The following FKBP1A variants were observed in gnomAD, a reference collection of about 807,000 sequenced individuals.
The protein encoded by FKBP1A is FKBP prolyl isomerase 1A.
A neutral mutation model predicts 14.2 loss-of-function variants in FKBP1A; 5 were observed. The observed-to-expected ratio is 0.35, with a 90% confidence interval of 0.18 to 0.74. The LOEUF (loss-of-function observed/expected upper bound fraction) is 0.74. Among genes scored for constraint, FKBP1A ranks in the 30% least tolerant of loss-of-function variants. The pLI is 0.56. For missense variants in FKBP1A, 53 were observed against 138.8 expected, an observed-to-expected ratio of 0.38 and a Z score of 3.10; for synonymous variants, 42 against 49.1, an observed-to-expected ratio of 0.86 and a Z score of 0.60.
intron 2 of FKBP1A, among the ~76,000 whole-genome samples, chr20:1,391,286 C>G (rs942273903): frequency 3.3e-5 from 5 of 152,130 alleles, no homozygotes; most frequent in Non-Finnish European, 7.3e-5. Flanking sequence ...GCCCACTCAC[C>G]CCAGCACTGT....
chr20:1,378,937 A>G (rs1297452543), intron 2 of FKBP1A, among the ~76,000 whole-genome samples: 2 of 152,208 alleles, frequency 1.3e-5, no homozygotes, highest in African/African-American at 4.8e-5. Flanking sequence ...GTACACACCC[A>G]CATTTTGTCT....
At chr20:1,392,117 C>A (rs1197356371) in intron 2 of FKBP1A, among the ~76,000 whole-genome samples, 1 of 152,224 alleles carries the variant, frequency 6.6e-6, no homozygotes, top group Admixed American at 6.5e-5. Context: ...AGAAAAGTCT[C>A]TACTTCTAGA....
At chr20:1,372,937 C>T (rs1163593348) in intron 3 of FKBP1A, 1 of 152,182 alleles carries the variant, frequency 6.6e-6, no homozygotes, top group Non-Finnish European at 1.5e-5. Flanking sequence ...TGTATATTTT[C>T]AGTTTCAAAT....
rs1437827711 is a variant in FKBP1A at position 1,380,988 on chromosome 20, AAGT to A, written c.86-5388_86-5386del. 2.0e-5 allele frequency among the ~76,000 whole-genome samples: 3 copies of A among 152,224 alleles called. No homozygotes were observed. In the East Asian group the frequency reaches 5.8e-4, roughly 29 times the overall value. On this transcript the variant is annotated intron_variant, in intron 2 of 4. Coordinates refer to ENST00000400137, the MANE Select transcript of FKBP1A (RefSeq NM_000801.5). ...AAAATGGATCCTAGACCTAAATGTT[AAGT>A]ACTAAACCTATCAAATTTATAGAAG... is the stretch of plus-strand genomic sequence containing the variant.
rs560128655 is a variant in FKBP1A, at chr20:1,371,670, T to G, written c.*36+406A>C. Reference sequence around the variant, plus strand: ...GACATGATATTCATATCCAAAGGGCTTTTTTTTTCCCCCTCTAGCTTCTAG... The same window carrying G: ...GACATGATATTCATATCCAAAGGGCGTTTTTTTTCCCCCTCTAGCTTCTAG... On this transcript the variant is annotated intron_variant, in intron 4 of 4. Coordinates refer to ENST00000400137, the MANE Select transcript of FKBP1A (RefSeq NM_000801.5). 5.5e-6 allele frequency: 5 copies of G among 907,028 alleles called. No individual in the cohort carries two copies. In the African/African-American group the frequency reaches 7.2e-5, roughly 13 times the overall value. The allele number at this position is 907,028 out of a possible 1,614,324, so 56.2% of individuals were successfully genotyped here.
chr20:1,384,362 T>A (rs1033420464), intron 2 of FKBP1A, among the ~76,000 whole-genome samples: 2 of 152,206 alleles, frequency 1.3e-5, no homozygotes, highest in African/African-American at 2.4e-5. Flanking sequence ...GGAGACTACA[T>A]TTAGAGAAAG....
chr20:1,388,303 GCT>G (rs2089691564), intron 2 of FKBP1A, among the ~76,000 whole-genome samples: 1 of 152,190 alleles, frequency 6.6e-6, no homozygotes, highest in South Asian at 2.1e-4. Flanking sequence ...TAACTAGCCT[GCT>G]CTCTTTGAAG....
chr20:1,392,994 C>A lies in FKBP1A; in HGVS notation c.5G>T (p.Gly2Val). 6.8e-7 allele frequency: 1 copy of A among 1,472,240 alleles called. No homozygotes were observed. The highest frequency in any genetic ancestry group is 1.3e-5 in the South Asian group (1 of 75,048). 91.2% of individuals were successfully genotyped at this position (1,472,240 alleles called of 1,614,324 possible). A position where few individuals can be genotyped will look rare whatever the true frequency, so the allele number is the denominator to read the frequency against. Residue 2 changes from glycine to valine, a missense_variant, in exon 1 of 5, where the codon GGA becomes GTA. Coordinates refer to ENST00000400137, the MANE Select transcript of FKBP1A (RefSeq NM_000801.5). ...TGGGGAGATGGTTTCCACCTGCACT[C>A]CCATGGCGGCGGCGGACGCTGAGCG... The part of the protein sequence containing the change: M[G>V]VQVETISPGD...
In FKBP1A at chr20:1,375,555, T is replaced by C. The variant is rs1446066871; in HGVS notation, c.134A>G (p.Lys45Arg). ...CTTGCCTAGCATAAACTTAAAGGGC[T>C]TGTTTCTGTCCCGGGAGGAATCAAA... ...KKFDSSRDRN[K>R]PFKFMLGKQE... Residue 45 changes from lysine to arginine, a missense_variant, in exon 3 of 5, where the codon AAG becomes AGG. Transcript: ENST00000400137. 2 of 1,614,130 alleles carry C rather than the reference T, an allele frequency of 1.2e-6. No homozygotes were observed. Among genetic ancestry groups the C allele is most frequent in the South Asian group, 2.2e-5 (2 of 91,080 alleles).
chr20:1,375,207 A>G, intron 3 of FKBP1A: 1 of 559,644 alleles, frequency 1.8e-6, no homozygotes, highest in Non-Finnish European at 3.1e-6. Context: ...CTCCTCTTTT[A>G]TGTAGTGGTA....
At chr20:1,373,331 T>C (rs1568585700) in intron 3 of FKBP1A, among the ~76,000 whole-genome samples, 1 of 152,224 alleles carries the variant, frequency 6.6e-6, no homozygotes, top group Non-Finnish European at 1.5e-5. Context: ...AGAAATCATA[T>C]AGTGGTGGCT....
At chr20:1,378,437 T>C (rs1358333293) in intron 2 of FKBP1A, 1 of 152,412 alleles carries the variant, frequency 6.6e-6, no homozygotes, top group Admixed American at 6.5e-5. Context: ...ATGTTCTGTA[T>C]GATACTATAT....
At chr20:1,374,858 T>TG (rs35352037) in intron 3 of FKBP1A, among the ~76,000 whole-genome samples, 2 of 152,208 alleles carry the variant, frequency 1.3e-5, no homozygotes, top group East Asian at 3.8e-4. Context: ...TTTTTTGAAA[T>TG]GGAGTTTCGC....
At chr20:1,384,995 G>C (rs952859733) in intron 2 of FKBP1A, among the ~76,000 whole-genome samples, 2 of 152,200 alleles carry the variant, frequency 1.3e-5, no homozygotes, top group Non-Finnish European at 2.9e-5. Flanking sequence ...ACACAGACCA[G>C]AATGCATGCC....
intron 4 of FKBP1A, chr20:1,370,446 T>G: frequency 1.5e-5 from 15 of 972,214 alleles, no homozygotes; most frequent in Non-Finnish European, 1.8e-5. Context: ...TGGGTTCCAC[T>G]CCCATGATTA....
rs1052750099 is a variant in FKBP1A, at chr20:1,369,719, CA to C, written c.*389del. 40 of 201,098 alleles carry C rather than the reference CA, an allele frequency of 2.0e-4. No individual in the cohort carries two copies. Among genetic ancestry groups the C allele is most frequent in the Admixed American group, 3.9e-4 (6 of 15,490 alleles). 12.5% of individuals were successfully genotyped at this position (201,098 alleles called of 1,614,324 possible). On this transcript the variant is annotated 3_prime_UTR_variant, in exon 5 of 5. Transcript: ENST00000400137. ...AAAAAATTAAAATAAAATATTCTTG[CA>C]AACCCCCCCCCCAACACCAATTCCT... is the stretch of plus-strand genomic sequence containing the variant.
In FKBP1A at chr20:1,371,106, A is replaced by T. The variant is rs565514899; in HGVS notation, c.*36+970T>A. On this transcript the variant is annotated intron_variant, in intron 4 of 4. Coordinates refer to ENST00000400137, the MANE Select transcript of FKBP1A (RefSeq NM_000801.5). ...CAGCCATTTGTTGTGGCTTTCAAACAAAAGTGTCCTCACCCAGGCCTTGGC... is the reference window on the plus strand; with the variant it reads ...CAGCCATTTGTTGTGGCTTTCAAACTAAAGTGTCCTCACCCAGGCCTTGGC... 29 of 985,430 alleles carry T rather than the reference A, an allele frequency of 2.9e-5. 1 individual carries two copies. In the South Asian group the frequency reaches 1.1e-3, roughly 37 times the overall value. 61.0% of individuals were successfully genotyped at this position (985,430 alleles called of 1,614,324 possible).
intron 3 of FKBP1A, among the ~76,000 whole-genome samples, chr20:1,373,773 T>C (rs1219669397): frequency 1.3e-5 from 2 of 152,128 alleles, no homozygotes; most frequent in African/African-American, 4.8e-5. Flanking sequence ...TCACAGAAGA[T>C]GGGTTGTGGT....
chr20:1,370,457 T>C, intron 4 of FKBP1A: 1 of 973,620 alleles, frequency 1.0e-6, no homozygotes, highest in Non-Finnish European at 1.2e-6. Flanking sequence ...CCCATGATTA[T>C]GATTAACTGG....
Sources: allele counts gnomAD v4.1 joint callset (sites outside exome capture counted in the v4.1 genomes callset), GRCh38; gene constraint gnomAD v4.1.1; transcripts MANE v1.5; gene names NCBI Gene and HGNC (gene_info 2026-07-23, HGNC 2026-07-21).